PRKG1: variants seen among roughly 807,000 people sequenced by gnomAD.
PRKG1 encodes the protein protein kinase cGMP-dependent 1, also known as cGMP-dependent protein kinase 1.
A neutral mutation model predicts 88.1 loss-of-function variants in PRKG1; 35 were observed. The ratio of observed to expected loss-of-function variants is 0.40; its 90% confidence interval spans 0.30 to 0.53. PRKG1 has a LOEUF of 0.53. Among genes scored for constraint, PRKG1 ranks in the 20% least tolerant of loss-of-function variants. The pLI is 0.59. For missense variants in PRKG1, 540 were observed against 839.8 expected, an observed-to-expected ratio of 0.64 and a Z score of 4.41; for synonymous variants, 303 against 292.5, an observed-to-expected ratio of 1.04 and a Z score of -0.37.
chr10:50,995,302 A>G (rs1842826917), intron 1 of PRKG1, among the ~76,000 whole-genome samples: 1 of 152,222 alleles, frequency 6.6e-6, no homozygotes, highest in Admixed American at 6.5e-5. Context: ...AATCTCCATT[A>G]AGAATGATCT....
intron 9 of PRKG1, among the ~76,000 whole-genome samples, chr10:52,249,013 CT>C (rs1841100158): frequency 4.6e-5 from 1 of 21,666 alleles, no homozygotes; most frequent in Non-Finnish European, 9.4e-5. Flanking sequence ...CCCCCGCCTC[CT>C]TCCCTCCCCT....
chr10:51,148,120 T>C, intron 1 of PRKG1: 1 of 350,148 alleles, frequency 2.9e-6, no homozygotes, highest in Non-Finnish European at 4.0e-6. Flanking sequence ...GATGGAGTTG[T>C]CCTTTGAAAA....
chr10:51,082,076 A>G (rs1331493202), intron 1 of PRKG1, among the ~76,000 whole-genome samples: 3 of 152,060 alleles, frequency 2.0e-5, no homozygotes, highest in Non-Finnish European at 4.4e-5. Flanking sequence ...TCTTTTTTTT[A>G]GGACAAAAAC....
intron 2 of PRKG1, among the ~76,000 whole-genome samples, chr10:51,343,063 TA>T (rs1842036830): frequency 2.0e-5 from 3 of 152,226 alleles, no homozygotes; most frequent in Admixed American, 2.0e-4. Context: ...TCAGGTAGAC[TA>T]AATTATTTTG....
intron 1 of PRKG1, among the ~76,000 whole-genome samples, chr10:51,084,947 G>C (rs1844210578): frequency 6.6e-6 from 1 of 152,126 alleles, no homozygotes; most frequent in Admixed American, 6.5e-5. Flanking sequence ...GATAATGTGA[G>C]GAAAAAACAT....
At chr10:51,393,786 T>C (rs1837504005) in intron 2 of PRKG1, among the ~76,000 whole-genome samples, 1 of 152,186 alleles carries the variant, frequency 6.6e-6, no homozygotes, top group Non-Finnish European at 1.5e-5. Flanking sequence ...ATGACTTTTG[T>C]CTTATTGTTG....
chr10:51,152,186 T>C (rs981506086), intron 1 of PRKG1, among the ~76,000 whole-genome samples: 1 of 152,062 alleles, frequency 6.6e-6, no homozygotes, highest in Non-Finnish European at 1.5e-5. Flanking sequence ...CAAATAAATA[T>C]CCCAATGTTT....
intron 2 of PRKG1, among the ~76,000 whole-genome samples, chr10:51,342,333 A>G (rs961213924): frequency 1.2e-4 from 18 of 152,322 alleles, no homozygotes; most frequent in Middle Eastern, 3.4e-3. Flanking sequence ...TGTCATACAG[A>G]GAGAGATTTT....
chr10:51,629,460 G>A (rs1839468913), intron 3 of PRKG1, among the ~76,000 whole-genome samples: 2 of 151,662 alleles, frequency 1.3e-5, no homozygotes, highest in Non-Finnish European at 2.9e-5. Flanking sequence ...CCCATCTGGG[G>A]GTGATGGGAG....
chr10:51,627,380 A>G (rs570441588), intron 3 of PRKG1, among the ~76,000 whole-genome samples: 3 of 152,314 alleles, frequency 2.0e-5, no homozygotes, highest in African/African-American at 7.2e-5. Flanking sequence ...GTTGCTTAAC[A>G]GAGTACAGAC....
intron 3 of PRKG1, among the ~76,000 whole-genome samples, chr10:51,546,351 C>A (rs1161979239): frequency 6.6e-6 from 1 of 151,960 alleles, no homozygotes. Flanking sequence ...ATAGCTGTTG[C>A]AATTGTCTTT....
At chr10:51,684,869 T>C (rs973991082) in intron 3 of PRKG1, among the ~76,000 whole-genome samples, 1 of 152,106 alleles carries the variant, frequency 6.6e-6, no homozygotes, top group Non-Finnish European at 1.5e-5. Flanking sequence ...CTTGTCTCGA[T>C]TAAAAAATAT....
At chr10:52,124,970 A>G (rs1207424172) in intron 7 of PRKG1, among the ~76,000 whole-genome samples, 1 of 152,012 alleles carries the variant, frequency 6.6e-6, no homozygotes, top group South Asian at 2.1e-4. Flanking sequence ...TTCTATAACA[A>G]TGCCTTTTTC....
At chr10:51,755,512 ACCCAAGAATAG>A in intron 3 of PRKG1, among the ~76,000 whole-genome samples, 1 of 152,248 alleles carries the variant, frequency 6.6e-6, no homozygotes, top group South Asian at 2.1e-4. Context: ...CAACAAACAA[ACCCAAGAATAG>A]CCCAGCAAGC....
At chr10:51,959,377 A>G (rs1843391176) in intron 5 of PRKG1, among the ~76,000 whole-genome samples, 1 of 152,184 alleles carries the variant, frequency 6.6e-6, no homozygotes, top group Non-Finnish European at 1.5e-5. Context: ...TGTGAAACCT[A>G]TCAAAGAGTG....
chr10:51,800,357 T>G (rs1002491959), intron 3 of PRKG1, among the ~76,000 whole-genome samples: 2 of 152,050 alleles, frequency 1.3e-5, no homozygotes, highest in African/African-American at 4.8e-5. Context: ...CCGCATGAGT[T>G]GAAAATATTG....
chr10:51,146,864 A>G (rs909035167), intron 1 of PRKG1, among the ~76,000 whole-genome samples: 1 of 152,212 alleles, frequency 6.6e-6, no homozygotes, highest in Non-Finnish European at 1.5e-5. Flanking sequence ...TTGCAGCACT[A>G]GTCACAATAG....
chr10:51,290,433 A>G (rs571448779), intron 2 of PRKG1, among the ~76,000 whole-genome samples: 13 of 152,252 alleles, frequency 8.5e-5, no homozygotes, highest in African/African-American at 3.1e-4. Flanking sequence ...AAAAATATAT[A>G]TCACTATGAT....
chr10:52,033,835 C>T (rs548699381), intron 5 of PRKG1, among the ~76,000 whole-genome samples: 11 of 151,692 alleles, frequency 7.3e-5, no homozygotes, highest in Non-Finnish European at 1.2e-4. Flanking sequence ...CGGGTGCAGG[C>T]GGACTGAGTC....
Sources: gnomAD v4.1 joint callset for allele counts (sites outside exome capture counted in the v4.1 genomes callset) on GRCh38, gnomAD v4.1.1 for gene constraint, MANE v1.5 for transcripts, NCBI Gene and HGNC (gene_info 2026-07-23, HGNC 2026-07-21) for gene names.